The following GAS7 variants were observed in gnomAD, a reference collection of about 807,000 sequenced individuals.
The protein encoded by GAS7 is growth arrest-specific protein 7.
Under a neutral mutation model 71.1 loss-of-function variants are expected in GAS7, and 28 were observed. That is an observed-to-expected ratio of 0.39 (90% CI 0.29 to 0.54). The LOEUF is 0.54. Ranked by LOEUF, GAS7 falls within the 20% of genes least tolerant of loss-of-function variation. GAS7 has a pLI of 0.62. For synonymous variants in GAS7, 258 were observed against 245.8 expected (o/e 1.05, Z -0.46); for missense variants, 436 against 627.8 (o/e 0.69, Z 3.27).
intron 1 of GAS7, among the ~76,000 whole-genome samples, chr17:10,096,257 C>G (rs1023335430): frequency 6.6e-6 from 1 of 152,164 alleles, no homozygotes; most frequent in African/African-American, 2.4e-5. Flanking sequence ...AGAAGCCAAA[C>G]CAAAATCAGA....
intron 1 of GAS7, among the ~76,000 whole-genome samples, chr17:10,057,670 T>C (rs2073163810): frequency 6.7e-6 from 1 of 148,772 alleles, no homozygotes; most frequent in Non-Finnish European, 1.5e-5. Context: ...GTCCGGGAGG[T>C]GGGGGGCGCC....
chr17:9,953,448 C>T (rs942544448), intron 5 of GAS7, among the ~76,000 whole-genome samples: 1 of 152,214 alleles, frequency 6.6e-6, no homozygotes, highest in African/African-American at 2.4e-5. Context: ...ATCCTCACTC[C>T]TGCAGGGGAG....
In GAS7 at chr17:10,034,090, C is replaced by T. The variant is rs1018859105; in HGVS notation, c.184-14193G>A. The T allele has an allele frequency of 8.1e-6, 8 of 982,872 alleles. No individual in the cohort carries two copies. The highest frequency in any genetic ancestry group is 9.4e-5 in the South Asian group (2 of 21,230). The allele number at this position is 982,872 out of a possible 1,614,324, so 60.9% of individuals were successfully genotyped here. A position where few individuals can be genotyped will look rare whatever the true frequency, so the allele number is the denominator to read the frequency against. ...CAAATGGTGACAGCCAAGGGCCTTG[C>T]TATGGAGATGTGAGACCTACCACTG... On this transcript the variant is annotated intron_variant, in intron 1 of 13. Transcript: ENST00000432992. The surrounding 1 kb of genome is among the most constrained non-coding windows in gnomAD (Gnocchi z 4.4).
intron 3 of GAS7, among the ~76,000 whole-genome samples, chr17:9,976,768 C>G (rs894049695): frequency 2.0e-5 from 3 of 152,206 alleles, no homozygotes; most frequent in African/African-American, 7.2e-5. Flanking sequence ...AACACTCCCA[C>G]AACCGCCCAC....
chr17:10,096,511 C>A (rs2073642464), intron 1 of GAS7, among the ~76,000 whole-genome samples: 1 of 152,226 alleles, frequency 6.6e-6, no homozygotes, highest in African/African-American at 2.4e-5. Flanking sequence ...GGCCTGCATA[C>A]CCCACAGTGG....
chr17:10,118,991 A>T (rs12948443), intron 1 of GAS7, among the ~76,000 whole-genome samples: 24,755 of 152,166 alleles, frequency 0.16, 2,650 homozygotes, highest in Admixed American at 0.27. Flanking sequence ...TCAGCCATTC[A>T]TTCATTTGAC....
At chr17:10,130,244 C>A (rs1204131591) in intron 1 of GAS7, among the ~76,000 whole-genome samples, 2 of 150,974 alleles carry the variant, frequency 1.3e-5, no homozygotes, top group Non-Finnish European at 2.9e-5. Flanking sequence ...GAAAAGATGG[C>A]CAGCCAACAC....
rs1050315848 is a variant in GAS7, at chr17:10,087,707, T to C, written c.184-67810A>G. Among the ~76,000 whole-genome samples the C allele has an allele frequency of 5.3e-5, 8 of 152,200 alleles. No individual in the cohort carries two copies. In the East Asian group the frequency reaches 9.6e-4, roughly 18 times the overall value. ...ATGGGGTCCTGGGGGAGATTGAACA[T>C]TTCTGAACTCTTTATCATAGAGAAA... On this transcript the variant is annotated intron_variant, in intron 1 of 13. Transcript: ENST00000432992.
intron 1 of GAS7, among the ~76,000 whole-genome samples, chr17:10,140,364 C>T (rs536743669): frequency 5.3e-5 from 8 of 152,148 alleles, no homozygotes; most frequent in Non-Finnish European, 1.0e-4. Context: ...TGGGAGGCTA[C>T]GGTGGGAACA....
intron 1 of GAS7, among the ~76,000 whole-genome samples, chr17:10,129,380 TAAAA>T (rs995742409): frequency 6.6e-6 from 1 of 151,910 alleles, no homozygotes; most frequent in African/African-American, 2.4e-5. Context: ...ATGAAAGGTT[TAAAA>T]ATTAGCTGGG....
intron 2 of GAS7, among the ~76,000 whole-genome samples, chr17:9,984,612 G>A (rs1198471705): frequency 1.3e-5 from 2 of 152,118 alleles, no homozygotes; most frequent in African/African-American, 4.8e-5. Flanking sequence ...CCTGCTTAGG[G>A]CCCACGTCAT....
chr17:10,064,395 C>T (rs182122190), intron 1 of GAS7, among the ~76,000 whole-genome samples: 5 of 152,302 alleles, frequency 3.3e-5, no homozygotes, highest in Non-Finnish European at 5.9e-5. Flanking sequence ...ATACGTACCC[C>T]GGCTTCTGAA....
At chr17:10,100,485 G>A (rs2073687584) in intron 1 of GAS7, among the ~76,000 whole-genome samples, 1 of 152,134 alleles carries the variant, frequency 6.6e-6, no homozygotes, top group South Asian at 2.1e-4. Context: ...AGCTAGACCG[G>A]ATCTCTCAAA....
intron 8 of GAS7, 73 bp from the exon 9 acceptor site, chr17:9,934,317 C>CTGGGGTGGAG: frequency 9.6e-7 from 1 of 1,038,758 alleles, no homozygotes; most frequent in Non-Finnish European, 1.5e-6. Flanking sequence ...GGGGCTCCAC[C>CTGGGGTGGAG]CCAGGTCTCG....
chr17:10,136,524 T>A (rs552719488), intron 1 of GAS7, among the ~76,000 whole-genome samples: 1 of 152,276 alleles, frequency 6.6e-6, no homozygotes, highest in Admixed American at 6.5e-5. Context: ...AAAGATGAGA[T>A]CTTCAATGCA....
At chr17:10,002,111 T>C (rs1468372514) in intron 2 of GAS7, among the ~76,000 whole-genome samples, 1 of 138,258 alleles carries the variant, frequency 7.2e-6, no homozygotes, top group Non-Finnish European at 1.5e-5. Context: ...GGGGCTGCTA[T>C]AACAAAATGC....
At chr17:10,057,193 T>C (rs2073152250) in intron 1 of GAS7, among the ~76,000 whole-genome samples, 2 of 152,206 alleles carry the variant, frequency 1.3e-5, no homozygotes, top group African/African-American at 4.8e-5. Context: ...GTGCCCAGAT[T>C]GCAGCCTCTG....
intron 1 of GAS7, among the ~76,000 whole-genome samples, chr17:10,182,267 C>A (rs2074422328): frequency 6.6e-6 from 1 of 152,134 alleles, no homozygotes; most frequent in African/African-American, 2.4e-5. Flanking sequence ...TCAAGCGATT[C>A]TCCTGCCTCA....
intron 1 of GAS7, among the ~76,000 whole-genome samples, chr17:10,044,396 T>A (rs1282552337): frequency 6.6e-6 from 1 of 152,212 alleles, no homozygotes; most frequent in African/African-American, 2.4e-5. Context: ...ATACTATGGC[T>A]AGTTTTATGC....
Sources: allele counts gnomAD v4.1 joint callset (sites outside exome capture counted in the v4.1 genomes callset), GRCh38; gene constraint gnomAD v4.1.1; non-coding constraint Gnocchi (gnomAD v3.1); transcripts MANE v1.5; gene names NCBI Gene and HGNC (gene_info 2026-07-23, HGNC 2026-07-21).